CPT2: variants seen among roughly 807,000 people sequenced by gnomAD.
The protein encoded by CPT2 is carnitine O-palmitoyltransferase 2, mitochondrial.
CPT2 carries 37 observed loss-of-function variants against 48.6 expected under a neutral mutation model. That is an observed-to-expected ratio of 0.76 (90% CI 0.59 to 1.00). CPT2 has a LOEUF of 1.00. Ranked by LOEUF, CPT2 falls within the 50% of genes least tolerant of loss-of-function variation. CPT2 has a pLI of 0.00. For synonymous variants in CPT2, 319 were observed against 326.9 expected (o/e 0.98, Z 0.26); for missense variants, 772 against 825.6 (o/e 0.94, Z 0.80).
intron 1 of CPT2, 50 bp from the exon 2 acceptor site, chr1:53,200,669 A>T: frequency 7.3e-7 from 1 of 1,367,636 alleles, no homozygotes; most frequent in Non-Finnish European, 1.0e-6. Flanking sequence ...AAAGCTAATT[A>T]ACCTCTTCCA....
At position 53,210,894 on chromosome 1, in the gene CPT2, ACT is replaced by A. The variant is rs752373512; in HGVS notation, c.1223_1224del (p.Ser408TyrfsTer13). 1 of 1,614,004 alleles carries A rather than the reference ACT, an allele frequency of 6.2e-7. No homozygotes were observed. The highest frequency in any genetic ancestry group is 8.5e-7 in the Non-Finnish European group (1 of 1,179,994). On this transcript the variant is annotated frameshift_variant, in exon 4 of 5. Coordinates refer to ENST00000371486, the MANE Select transcript of CPT2 (RefSeq NM_000098.3). LOFTEE classifies it high-confidence loss of function. ...CCACAGAGCCAGCCAGCTACCACTG[ACT>A]CTACTGTCACGGTGCAGAAACTCAA...
At chr1:53,199,917 T>C (rs1476167767) in intron 1 of CPT2, 1 of 152,240 alleles carries the variant, frequency 6.6e-6, no homozygotes, top group Non-Finnish European at 1.5e-5. Flanking sequence ...CATATCAGTG[T>C]TAATTTTGAG....
chr1:53,206,132 A>C (rs1380895402), intron 3 of CPT2, among the ~76,000 whole-genome samples: 1 of 151,336 alleles, frequency 6.6e-6, no homozygotes, highest in Non-Finnish European at 1.5e-5. Flanking sequence ...GCAGTGAGCC[A>C]AGATAGCACC....
intron 3 of CPT2, chr1:53,203,799 A>G (rs61769596): frequency 6.8e-6 from 1 of 146,656 alleles, no homozygotes. Context: ...TTTTTTTTAA[A>G]TCAGAGCACA....
chr1:53,211,428 A>T, intron 4 of CPT2, 109 bp downstream of exon 4: 5 of 1,183,842 alleles, frequency 4.2e-6, no homozygotes, highest in Non-Finnish European at 4.8e-6. Flanking sequence ...ACTAGGTTTA[A>T]TCCATCGCCA....
At chr1:53,209,922 C>CT in intron 3 of CPT2, 93 bp from the exon 4 acceptor site, 1 of 1,094,790 alleles carries the variant, frequency 9.1e-7, no homozygotes, top group South Asian at 1.4e-5. Context: ...ATGCCATTTC[C>CT]TTTGTCTATG....
chr1:53,209,868 T>C (rs1397375023), intron 3 of CPT2, 147 bp from the exon 4 acceptor site: 2 of 683,488 alleles, frequency 2.9e-6, no homozygotes, highest in South Asian at 1.8e-5. Context: ...TCTTGAATTA[T>C]TGCAGAGCAA....
intron 3 of CPT2, among the ~76,000 whole-genome samples, chr1:53,205,950 A>G (rs895468275): frequency 6.6e-6 from 1 of 152,206 alleles, no homozygotes; most frequent in Non-Finnish European, 1.5e-5. Context: ...TGGGAGGCCA[A>G]GGCGGGTGGA....
chr1:53,201,117 A>G, intron 2 of CPT2: 1 of 401,914 alleles, frequency 2.5e-6, no homozygotes. Context: ...CTTGGAAGGG[A>G]GGTCCATTGA....
chr1:53,213,739 G>T lies in CPT2; in HGVS notation c.*144G>T. On this transcript the variant is annotated 3_prime_UTR_variant, in exon 5 of 5. Transcript: ENST00000371486. ...AGGTCAGGAGTTTGAGACCAACCTG[G>T]CCAACATGGTGAAACCTTGTCTCTA... 1.4e-6 allele frequency: 1 copy of T among 720,154 alleles called. No homozygotes were observed. The highest frequency in any genetic ancestry group is 2.4e-6 in the Non-Finnish European group (1 of 420,694). 44.6% of individuals were successfully genotyped at this position (720,154 alleles called of 1,614,324 possible). A position where few individuals can be genotyped will look rare whatever the true frequency, so the allele number is the denominator to read the frequency against.
chr1:53,213,278 C>T lies in CPT2; in HGVS notation c.1660C>T (p.Arg554Ter), dbSNP rs539239516. ...KEAAMGQGFD[R>*]HLFALRHLAA... ...GTTTCTCACAGGCCAGGGCTTTGAC[C>T]GACACTTGTTTGCTCTGCGGCATCT... is the stretch of plus-strand genomic sequence containing the variant. The change falls in exon 5 of 5, where the codon CGA becomes TGA. Residue 554 changes from arginine (R) to a stop codon, truncating the protein, a stop_gained. Transcript: ENST00000371486. LOFTEE classifies it high-confidence loss of function. 12 of 1,614,144 alleles carry T rather than the reference C, an allele frequency of 7.4e-6. No homozygotes were observed. Among genetic ancestry groups the T allele is most frequent in the African/African-American group, 4.0e-5 (3 of 75,046 alleles).
At chr1:53,207,783 A>G (rs1645397627) in intron 3 of CPT2, 1 of 152,188 alleles carries the variant, frequency 6.6e-6, no homozygotes, top group African/African-American at 2.4e-5. Flanking sequence ...ATCTCCAGAG[A>G]GTAAAACTTA....
intron 1 of CPT2, among the ~76,000 whole-genome samples, chr1:53,198,894 G>A (rs145922821): frequency 5.3e-5 from 8 of 152,228 alleles, no homozygotes; most frequent in African/African-American, 1.4e-4. Context: ...TCCTTCTGTC[G>A]CTCAGATTCT....
At chr1:53,198,794 C>G (rs1174581237) in intron 1 of CPT2, among the ~76,000 whole-genome samples, 1 of 152,232 alleles carries the variant, frequency 6.6e-6, no homozygotes, top group African/African-American at 2.4e-5. Context: ...AATAGTACCA[C>G]TAGTCACCTA....
intron 3 of CPT2, chr1:53,203,526 T>C (rs1645366944): frequency 1.3e-5 from 2 of 152,222 alleles, no homozygotes; most frequent in Non-Finnish European, 2.9e-5. Flanking sequence ...ACCCCCAGAC[T>C]CTTCCCAAGC....
At chr1:53,207,021 G>A (rs1645393814) in intron 3 of CPT2, among the ~76,000 whole-genome samples, 2 of 152,136 alleles carry the variant, frequency 1.3e-5, no homozygotes, top group Non-Finnish European at 2.9e-5. Flanking sequence ...TTGGATCATG[G>A]GGTAGTTTCC....
chr1:53,200,897 C>A, intron 2 of CPT2, 98 bp downstream of exon 2: 1 of 977,460 alleles, frequency 1.0e-6, no homozygotes, highest in East Asian at 2.4e-5. Context: ...TGTGACGTGG[C>A]TGGGTCTCCA....
Position 53,213,489 on chromosome 1 carries a change from A to G in CPT2, c.1871A>G (p.Asn624Ser), listed in dbSNP as rs1268248169. ...YAVHDNWIGC[N>S]VSSYPGRNAR... ...GTTCATGACAACTGGATAGGCTGCAATGTCTCTTCCTACCCAGGCCGCAAT... is the reference window on the plus strand; with the variant it reads ...GTTCATGACAACTGGATAGGCTGCAGTGTCTCTTCCTACCCAGGCCGCAAT... Residue 624 changes from asparagine (N) to serine (S), a missense_variant, in exon 5 of 5, where the codon AAT (asparagine) becomes AGT (serine). Coordinates refer to ENST00000371486, the MANE Select transcript of CPT2 (RefSeq NM_000098.3). The G allele has an allele frequency of 1.2e-6, 2 of 1,614,114 alleles. No individual in the cohort carries two copies. Among genetic ancestry groups the G allele is most frequent in the Non-Finnish European group, 8.5e-7 (1 of 1,180,048 alleles).
At chr1:53,209,476 C>T (rs1645407544) in intron 3 of CPT2, 1 of 170,434 alleles carries the variant, frequency 5.9e-6, no homozygotes, top group Non-Finnish European at 1.3e-5. Context: ...TTGTTCAGCG[C>T]TAAGAAGAAA....
Sources: allele counts gnomAD v4.1 joint callset (sites outside exome capture counted in the v4.1 genomes callset), GRCh38; gene constraint gnomAD v4.1.1; transcripts MANE v1.5; gene names NCBI Gene and HGNC (gene_info 2026-07-23, HGNC 2026-07-21).